Variants in PARD3 observed in about 807,000 individuals in gnomAD.
PARD3 encodes the protein partitioning defective 3 homolog.
In PARD3, 75 loss-of-function variants were observed where a neutral mutation model predicts 155.4. That is an observed-to-expected ratio of 0.48 (90% CI 0.40 to 0.58). The LOEUF is 0.58. Among genes scored for constraint, PARD3 ranks in the 20% least tolerant of loss-of-function variants. PARD3 has a pLI of 0.00. For synonymous variants in PARD3, 576 were observed against 610.5 expected (o/e 0.94, Z 0.83); for missense variants, 1,642 against 1,721.7 (o/e 0.95, Z 0.82).
chr10:34,344,127 G>GA, intron 15 of PARD3: 1 of 979,976 alleles, frequency 1.0e-6, no homozygotes, highest in Non-Finnish European at 1.2e-6. Flanking sequence ...GTTTTAAAAA[G>GA]AAAAATTATT....
At chr10:34,803,869 T>C (rs1456225939) in intron 1 of PARD3, among the ~76,000 whole-genome samples, 1 of 152,092 alleles carries the variant, frequency 6.6e-6, no homozygotes, top group East Asian at 1.9e-4. Context: ...CATTGCAAGT[T>C]TCCTTGGAAA....
At position 34,420,847 on chromosome 10, in the gene PARD3, G is replaced by C. The variant is rs1392180182; in HGVS notation, c.715-18930C>G. On this transcript the variant is annotated intron_variant, in intron 5 of 24. Coordinates refer to ENST00000374788, the MANE Select transcript of PARD3 (RefSeq NM_001184785.2). ...AAATATATGCATGTTAACATGTTCA[G>C]AACAAAATTTAATAATCTTCAATCT... is the stretch of plus-strand genomic sequence containing the variant. Among the ~76,000 whole-genome samples, 3 of 152,120 alleles carry C rather than the reference G, an allele frequency of 2.0e-5. No homozygotes were observed. In the East Asian group the frequency reaches 5.8e-4, roughly 29 times the overall value.
intron 2 of PARD3, among the ~76,000 whole-genome samples, chr10:34,656,888 CAAA>C (rs1453184094): frequency 6.6e-6 from 1 of 152,200 alleles, no homozygotes; most frequent in Non-Finnish European, 1.5e-5. Context: ...ATAAAAATTG[CAAA>C]AGCATCAAGC....
Position 34,337,348 on chromosome 10 carries a change from G to A in PARD3, c.2487C>T (p.Arg829=). ...GACTGGCATCTGAAAATTGCTTTGTGCGTTTTTCTGACATACTCTGACGTC... is the reference window on the plus strand; with the variant it reads ...GACTGGCATCTGAAAATTGCTTTGTACGTTTTTCTGACATACTCTGACGTC... ...GFGRQSMSEK[R]TKQFSDASQL... The change falls in exon 17 of 25, where the codon CGC becomes CGT. Residue 829 remains arginine, a synonymous_variant. Coordinates refer to ENST00000374788, the MANE Select transcript of PARD3 (RefSeq NM_001184785.2). 2 of 1,601,730 alleles carry A rather than the reference G, an allele frequency of 1.2e-6. No individual in the cohort carries two copies. The highest frequency in any genetic ancestry group is 1.7e-4 in the Middle Eastern group (1 of 6,038).
At chr10:34,396,605 A>G (rs1843372804) in intron 7 of PARD3, among the ~76,000 whole-genome samples, 1 of 152,138 alleles carries the variant, frequency 6.6e-6, no homozygotes, top group South Asian at 2.1e-4. Context: ...ATTGACATGT[A>G]TTTGTCACTT....
At chr10:34,377,787 T>A (rs10827361) in intron 10 of PARD3, among the ~76,000 whole-genome samples, 180 bp downstream of exon 10, 35,629 of 151,688 alleles carry the variant, frequency 0.23, 4,923 homozygotes, top group South Asian at 0.45. Context: ...ATTAAAAAAA[T>A]ATATATAAAA....
chr10:34,179,164 GCGCGCACACA>G (rs1306573362), intron 22 of PARD3, among the ~76,000 whole-genome samples: 3 of 100,126 alleles, frequency 3.0e-5, no homozygotes, highest in African/African-American at 1.3e-4. Context: ...GCATGTGCGT[GCGCGCACACA>G]CACACACACA....
intron 22 of PARD3, among the ~76,000 whole-genome samples, chr10:34,133,466 G>A (rs1048147231): frequency 2.6e-5 from 4 of 152,168 alleles, no homozygotes; most frequent in Admixed American, 2.6e-4. Flanking sequence ...ACAACAGAAC[G>A]TCAGACTTCT....
intron 2 of PARD3, among the ~76,000 whole-genome samples, chr10:34,694,470 C>CTTTTT (rs34628015): frequency 2.0e-5 from 2 of 101,896 alleles, no homozygotes; most frequent in African/African-American, 3.9e-5. Context: ...AAAACTTCTG[C>CTTTTT]TTTTTTTTTT....
chr10:34,693,619 C>A (rs941105242), intron 2 of PARD3, among the ~76,000 whole-genome samples: 2 of 152,102 alleles, frequency 1.3e-5, no homozygotes, highest in Non-Finnish European at 2.9e-5. Flanking sequence ...ATGTTTATCA[C>A]CTGGGGTGAC....
At chr10:34,282,710 G>A (rs914134514) in intron 21 of PARD3, among the ~76,000 whole-genome samples, 6 of 152,106 alleles carry the variant, frequency 3.9e-5, no homozygotes, top group Admixed American at 3.3e-4. Flanking sequence ...GCCTGTGGAT[G>A]AATCTGAGTT....
intron 1 of PARD3, among the ~76,000 whole-genome samples, chr10:34,742,615 G>A (rs1368520239): frequency 6.6e-6 from 1 of 152,160 alleles, no homozygotes; most frequent in East Asian, 1.9e-4. Flanking sequence ...TCTCATAGAT[G>A]ATCTAATGAA....
intron 20 of PARD3, among the ~76,000 whole-genome samples, chr10:34,316,559 T>C (rs1424467614): frequency 1.3e-5 from 2 of 152,196 alleles, no homozygotes; most frequent in East Asian, 1.9e-4. Flanking sequence ...TTGTTATTAA[T>C]GAACCTTTAA....
At chr10:34,651,320 C>T (rs1483119517) in intron 2 of PARD3, among the ~76,000 whole-genome samples, 1 of 152,198 alleles carries the variant, frequency 6.6e-6, no homozygotes, top group Non-Finnish European at 1.5e-5. Context: ...ACATACTGAG[C>T]ACTCACAACC....
chr10:34,211,714 A>C (rs945694727), intron 22 of PARD3, among the ~76,000 whole-genome samples: 4 of 152,066 alleles, frequency 2.6e-5, no homozygotes, highest in Admixed American at 6.5e-5. Context: ...CTGGAGGCGG[A>C]GATTGCAGTG....
intron 22 of PARD3, among the ~76,000 whole-genome samples, chr10:34,209,914 CTTTAATA>C: frequency 6.6e-6 from 1 of 152,180 alleles, no homozygotes; most frequent in East Asian, 1.9e-4. Flanking sequence ...TAAGTCACCA[CTTTAATA>C]TTTATATGTA....
intron 18 of PARD3, among the ~76,000 whole-genome samples, chr10:34,333,513 G>A (rs778401055): frequency 7.9e-5 from 12 of 151,930 alleles, no homozygotes; most frequent in Non-Finnish European, 7.4e-5. Context: ...GTGGATGGTG[G>A]GCCCTGGGTT....
At chr10:34,666,479 G>A (rs770348193) in intron 2 of PARD3, among the ~76,000 whole-genome samples, 8 of 151,802 alleles carry the variant, frequency 5.3e-5, no homozygotes, top group Admixed American at 4.6e-4. Flanking sequence ...GGTGGCACTC[G>A]AGGAATTGCT....
chr10:34,235,589 C>T (rs1409489542), intron 22 of PARD3, among the ~76,000 whole-genome samples: 1 of 152,210 alleles, frequency 6.6e-6, no homozygotes, highest in South Asian at 2.1e-4. Flanking sequence ...TTAACTACCA[C>T]TGACGTTTAG....
Sources: allele counts gnomAD v4.1 joint callset (sites outside exome capture counted in the v4.1 genomes callset), GRCh38; gene constraint gnomAD v4.1.1; transcripts MANE v1.5; gene names NCBI Gene and HGNC (gene_info 2026-07-23, HGNC 2026-07-21).